The following OGN variants were observed in gnomAD, a reference collection of about 807,000 sequenced individuals.
OGN encodes mimecan.
In OGN, 19 loss-of-function variants were observed where a neutral mutation model predicts 30.8. That is an observed-to-expected ratio of 0.62 (90% CI 0.43 to 0.90). The LOEUF is 0.90. OGN is among the 40% of genes least tolerant of loss of function. The pLI is 0.00. For missense variants in OGN, 283 were observed against 349.7 expected (o/e 0.81, Z 1.52); for synonymous variants, 126 against 128.3 (o/e 0.98, Z 0.12).
In OGN at chr9:92,383,499, A is replaced by T. The variant is rs557721861; in HGVS notation, c.*2121T>A. 4.6e-5 allele frequency among the ~76,000 whole-genome samples: 7 copies of T among 152,326 alleles called. No individual in the cohort carries two copies. The highest frequency in any genetic ancestry group is 1.7e-4 in the African/African-American group (7 of 41,582). ...AATGTTAGTAAAAAGTAAATCATTT[A>T]AAAATTTAAAGCCTCTAATTATTAG... On this transcript the variant is annotated 3_prime_UTR_variant, in exon 7 of 7. Transcript: ENST00000375561.
chr9:92,402,383 A>G (rs374472055), intron 2 of OGN, among the ~76,000 whole-genome samples: 33 of 152,236 alleles, frequency 2.2e-4, no homozygotes, highest in Non-Finnish European at 4.0e-4. Flanking sequence ...ATAAGTCTTT[A>G]TCCTCCAATT....
chr9:92,392,381 T>C (rs549582573), intron 4 of OGN, among the ~76,000 whole-genome samples: 4 of 152,282 alleles, frequency 2.6e-5, no homozygotes, highest in Non-Finnish European at 5.9e-5. Context: ...CCCAGCACTT[T>C]GGGAGGCCGA....
At chr9:92,401,286 C>T in intron 2 of OGN, 101 bp from the exon 3 acceptor site, 1 of 603,498 alleles carries the variant, frequency 1.7e-6, no homozygotes, top group Non-Finnish European at 2.9e-6. Context: ...CAATTAGTGG[C>T]ATTTCCTTTG....
At position 92,389,890 on chromosome 9, in the gene OGN, T is replaced by G; in HGVS notation, c.594A>C (p.Lys198Asn). The G allele has an allele frequency of 6.2e-7, 1 of 1,612,956 alleles. No individual in the cohort carries two copies. The change falls in exon 5 of 7, where the codon AAA (lysine) becomes AAC (asparagine). Residue 198 changes from lysine (K) to asparagine (N), a missense_variant. Coordinates refer to ENST00000375561, the MANE Select transcript of OGN (RefSeq NM_014057.5). Reference protein sequence around the residue: ...KLTLFNAKYNKIKSRGIKANA... With the variant: ...KLTLFNAKYNNIKSRGIKANA... ...TTGCTTTGATTCCCCTACTCTTGAT[T>G]TTGTTGTATTTTGCATTAAATAAAG...
chr9:92,392,813 A>T (rs1378105561), intron 4 of OGN, among the ~76,000 whole-genome samples: 1 of 152,150 alleles, frequency 6.6e-6, no homozygotes, highest in East Asian at 1.9e-4. Flanking sequence ...GGGATCTTGA[A>T]GTATTGGAGT....
At chr9:92,389,698 C>A (rs1842587942) in intron 5 of OGN, 156 bp downstream of exon 5, 5 of 568,068 alleles carry the variant, frequency 8.8e-6, no homozygotes, top group Non-Finnish European at 1.5e-5. Flanking sequence ...CTGAATGAGC[C>A]TAATAGGATG....
intron 3 of OGN, among the ~76,000 whole-genome samples, chr9:92,397,974 G>A (rs1300797311): frequency 6.6e-6 from 1 of 152,146 alleles, no homozygotes; most frequent in African/African-American, 2.4e-5. Context: ...ACTCCACAGT[G>A]TTCTTTCTAG....
At chr9:92,391,087 C>CA (rs1415973013) in intron 4 of OGN, among the ~76,000 whole-genome samples, 1 of 151,106 alleles carries the variant, frequency 6.6e-6, no homozygotes, top group East Asian at 2.0e-4. Context: ...CAACACAGCG[C>CA]AACCTCATCT....
Position 92,385,619 on chromosome 9 carries a change from G to A in OGN, c.*1C>T. On this transcript the variant is annotated 3_prime_UTR_variant, in exon 7 of 7. Transcript: ENST00000375561. ...TCATTTATATGTTGTACCAATAGAG[G>A]TTAAAAGTATGACCCTATCGGTAAT... 2 of 1,612,914 alleles carry A rather than the reference G, an allele frequency of 1.2e-6. No individual in the cohort carries two copies. The highest frequency in any genetic ancestry group is 1.7e-6 in the Non-Finnish European group (2 of 1,178,972).
At chr9:92,399,565 A>G (rs1843025592) in intron 3 of OGN, among the ~76,000 whole-genome samples, 1 of 151,990 alleles carries the variant, frequency 6.6e-6, no homozygotes, top group Admixed American at 6.6e-5. Context: ...GGTCAAATTT[A>G]TTGTTCTGTT....
At position 92,403,400 on chromosome 9, in the gene OGN, G is replaced by A; in HGVS notation, c.8C>T (p.Thr3Ile). 6.3e-7 allele frequency: 1 copy of A among 1,597,670 alleles called. No individual in the cohort carries two copies. The highest frequency in any genetic ancestry group is 1.3e-5 in the African/African-American group (1 of 74,286). ...TAACAGGAGAAGTGTAGACTGCAGAGTCTTCATTTTAGCAAAAATCAAGGT... is the reference window on the plus strand; with the variant it reads ...TAACAGGAGAAGTGTAGACTGCAGAATCTTCATTTTAGCAAAAATCAAGGT... MK[T>I]LQSTLLLLLL... is the part of the protein sequence containing the mutation. The change falls in exon 2 of 7, where the codon ACT (threonine) becomes ATT (isoleucine). Residue 3 changes from threonine (T) to isoleucine (I), a missense_variant. Coordinates refer to ENST00000375561, the MANE Select transcript of OGN (RefSeq NM_014057.5).
intron 3 of OGN, among the ~76,000 whole-genome samples, chr9:92,394,923 A>G (rs1372936540): frequency 6.6e-6 from 1 of 152,062 alleles, no homozygotes; most frequent in Non-Finnish European, 1.5e-5. Flanking sequence ...TTGAAATTTT[A>G]ATTGATATTT....
chr9:92,390,563 A>AGTGTGTGTGTGTGTGT (rs61628295), intron 4 of OGN, among the ~76,000 whole-genome samples: 14 of 150,448 alleles, frequency 9.3e-5, no homozygotes, highest in African/African-American at 3.2e-4. Context: ...AGAGAAATTC[A>AGTGTGTGTGTGTGTGT]GTGTGTGTGT....
chr9:92,395,699 G>A (rs935835026), intron 3 of OGN, among the ~76,000 whole-genome samples: 2 of 152,030 alleles, frequency 1.3e-5, no homozygotes, highest in African/African-American at 2.4e-5. Context: ...TTTAATTTTA[G>A]CAATTGAAAT....
At position 92,403,380 on chromosome 9, in the gene OGN, G is replaced by A. The variant is rs372678687; in HGVS notation, c.28C>T (p.Leu10=). The A allele has an allele frequency of 1.1e-5, 17 of 1,612,652 alleles. No individual in the cohort carries two copies. The highest frequency in any genetic ancestry group is 4.0e-5 in the African/African-American group (3 of 74,852). ...TTTATCAGAGGCACAAGCAGTAACA[G>A]GAGAAGTGTAGACTGCAGAGTCTTC... MKTLQSTLL[L]LLLVPLIKPA... Residue 10 remains leucine (L), a synonymous_variant, in exon 2 of 7, where the codon CTG becomes TTG. Transcript: ENST00000375561.
intron 2 of OGN, among the ~76,000 whole-genome samples, chr9:92,401,599 T>C (rs960407994): frequency 6.6e-6 from 1 of 152,316 alleles, no homozygotes; most frequent in South Asian, 2.1e-4. Context: ...TGAGTAAGAC[T>C]AGAGCTCCAG....
rs955741816 is a variant in OGN, at chr9:92,385,531, A to G, written c.*89T>C. The G allele has an allele frequency of 2.7e-5, 31 of 1,141,970 alleles. No homozygotes were observed. Among genetic ancestry groups the G allele is most frequent in the Non-Finnish European group, 3.8e-6 (3 of 790,184 alleles). The allele number at this position is 1,141,970 out of a possible 1,614,324, so 70.7% of individuals were successfully genotyped here. A position where few individuals can be genotyped will look rare whatever the true frequency, so the allele number is the denominator to read the frequency against. On this transcript the variant is annotated 3_prime_UTR_variant, in exon 7 of 7. Transcript: ENST00000375561. The stretch of plus-strand genomic sequence containing the variant: ...CTTCAAAATGAGATACAAGGTTAAT[A>G]TTAAACCAATACTTAAGTTCCTTTA...
At chr9:92,395,233 C>CT (rs1352149125) in intron 3 of OGN, among the ~76,000 whole-genome samples, 7 of 152,138 alleles carry the variant, frequency 4.6e-5, no homozygotes, top group Admixed American at 4.6e-4. Flanking sequence ...GACTGACCTG[C>CT]TTTTGGTCAG....
At chr9:92,391,242 A>C (rs1369694970) in intron 4 of OGN, among the ~76,000 whole-genome samples, 2 of 136,478 alleles carry the variant, frequency 1.5e-5, no homozygotes, top group Non-Finnish European at 3.2e-5. Flanking sequence ...TAAAAATACC[A>C]AAAAAAAAAA....
Sources: gnomAD v4.1 joint callset for allele counts (sites outside exome capture counted in the v4.1 genomes callset) on GRCh38, gnomAD v4.1.1 for gene constraint, MANE v1.5 for transcripts, NCBI Gene and HGNC (gene_info 2026-07-23, HGNC 2026-07-21) for gene names.